Variants in AGAP1 observed in about 807,000 individuals in gnomAD.
AGAP1 encodes the protein ArfGAP with GTPase domain, ankyrin repeat and PH domain 1.
Under a neutral mutation model 105.3 loss-of-function variants are expected in AGAP1, and 29 were observed. The observed-to-expected ratio is 0.28, with a 90% CI of 0.21 to 0.38. The LOEUF (loss-of-function observed/expected upper bound fraction) is 0.38. Among genes scored for constraint, AGAP1 ranks in the 10% least tolerant of loss-of-function variants. The pLI is 1.00. For synonymous variants in AGAP1, 509 were observed against 485.9 expected (o/e 1.05, Z -0.63); for missense variants, 998 against 1,165.1 (o/e 0.86, Z 2.09).
intron 9 of AGAP1, among the ~76,000 whole-genome samples, chr2:235,870,269 A>G (rs2049373454): frequency 2.6e-5 from 4 of 152,188 alleles, no homozygotes; most frequent in Admixed American, 2.0e-4. Flanking sequence ...TCGGAAGACC[A>G]CGATACGCAG....
chr2:235,573,054 C>CTTCT (rs1553568872), intron 1 of AGAP1, among the ~76,000 whole-genome samples: 290 of 22,012 alleles, frequency 0.013, 10 homozygotes, highest in Middle Eastern at 0.056. Context: ...TCTTCTTCTT[C>CTTCT]TTCTTCTTTC....
At position 235,981,661 on chromosome 2, in the gene AGAP1, G is replaced by A. The variant is rs2055101945; in HGVS notation, c.1645+13038G>A. On this transcript the variant is annotated intron_variant, in intron 13 of 17. Transcript: ENST00000304032. The surrounding 1 kb of genome is among the most constrained non-coding windows in gnomAD (Gnocchi z 5.5). ...CATGTGTCAGGCACTGGGCTTAAGT[G>A]CTTTACACGCAGCGTCTCATAACCC... is the stretch of plus-strand genomic sequence containing the variant. Among the ~76,000 whole-genome samples, 1 of 152,176 alleles carries A rather than the reference G, an allele frequency of 6.6e-6. No individual in the cohort carries two copies. The highest frequency in any genetic ancestry group is 2.4e-5 in the African/African-American group (1 of 41,448).
At chr2:235,565,902 A>G (rs1168305264) in intron 1 of AGAP1, among the ~76,000 whole-genome samples, 2 of 152,052 alleles carry the variant, frequency 1.3e-5, no homozygotes, top group Non-Finnish European at 2.9e-5. Flanking sequence ...TCAATCTCCC[A>G]AGATATTAAG....
chr2:235,525,898 C>T (rs5021819), intron 1 of AGAP1, among the ~76,000 whole-genome samples: 1 of 93,944 alleles, frequency 1.1e-5, no homozygotes, highest in Non-Finnish European at 2.2e-5. Flanking sequence ...AGGACTGATA[C>T]ATAATGTGGA....
In AGAP1 at chr2:235,930,542, C is replaced by G. The variant is rs1466689270; in HGVS notation, c.1325-223C>G. Among the ~76,000 whole-genome samples the G allele has an allele frequency of 6.6e-6, 1 of 152,110 alleles. No homozygotes were observed. Among genetic ancestry groups the G allele is most frequent in the African/African-American group, 2.4e-5 (1 of 41,424 alleles). The stretch of plus-strand genomic sequence containing the variant: ...GTGCGAGCCATCTGTGGCATCGGGT[C>G]CCTTCACATTGCTTTGTCAGGCACC... On this transcript the variant is annotated intron_variant, in intron 11 of 17. Coordinates refer to ENST00000304032, the MANE Select transcript of AGAP1 (RefSeq NM_001037131.3). The surrounding 1 kb of genome is among the most constrained non-coding windows in gnomAD (Gnocchi z 7.9).
chr2:235,604,732 G>A (rs1392613529), intron 1 of AGAP1, among the ~76,000 whole-genome samples: 5 of 150,760 alleles, frequency 3.3e-5, no homozygotes, highest in South Asian at 2.1e-4. Context: ...ACAGGCGCCC[G>A]CTACCACGCC....
chr2:236,112,741 TCA>T (rs1201895618), intron 16 of AGAP1, among the ~76,000 whole-genome samples: 2 of 152,224 alleles, frequency 1.3e-5, no homozygotes, highest in Non-Finnish European at 2.9e-5. Context: ...TCCCGCTCTC[TCA>T]GTCTGGTCCC....
At chr2:235,783,721 AG>A (rs1296712978) in intron 6 of AGAP1, among the ~76,000 whole-genome samples, 1 of 151,890 alleles carries the variant, frequency 6.6e-6, no homozygotes, top group Non-Finnish European at 1.5e-5. Context: ...GGAAGTGAGA[AG>A]GAGGGATTGG....
rs938508477 is a variant in AGAP1 at position 236,012,728 on chromosome 2, G to A, written c.1646-23833G>A. ...ATGTAGACCCGTATCCTTTAACACC[G>A]CAGATGCCTGCTAGTTTAGAGGTTG... On this transcript the variant is annotated intron_variant, in intron 13 of 17. Transcript: ENST00000304032. The surrounding 1 kb of genome is among the most constrained non-coding windows in gnomAD (Gnocchi z 4.9). 5.3e-5 allele frequency among the ~76,000 whole-genome samples: 8 copies of A among 151,830 alleles called. No homozygotes were observed. Among genetic ancestry groups the A allele is most frequent in the African/African-American group, 9.7e-5 (4 of 41,254 alleles).
rs1317965485 is a variant in AGAP1 at position 235,578,759 on chromosome 2, T to C, written c.163+83910T>C. 6.7e-6 allele frequency among the ~76,000 whole-genome samples: 1 copy of C among 148,192 alleles called. No homozygotes were observed. The highest frequency in any genetic ancestry group is 1.5e-5 in the Non-Finnish European group (1 of 67,572). On this transcript the variant is annotated intron_variant, in intron 1 of 17. Coordinates refer to ENST00000304032, the MANE Select transcript of AGAP1 (RefSeq NM_001037131.3). The surrounding 1 kb of genome is among the most constrained non-coding windows in gnomAD (Gnocchi z 4.9). ...GACATTGTGCCACTGCACTCCAGCC[T>C]GGGCAATACAGCGAGACTCAGTCTC...
chr2:235,898,025 G>T (rs758213301), intron 10 of AGAP1, among the ~76,000 whole-genome samples: 1 of 152,124 alleles, frequency 6.6e-6, no homozygotes, highest in Non-Finnish European at 1.5e-5. Flanking sequence ...CAGCCCCCTC[G>T]ATGGCTGGGA....
intron 9 of AGAP1, chr2:235,853,287 A>T: frequency 1.1e-6 from 1 of 923,286 alleles, no homozygotes; most frequent in African/African-American, 1.8e-5. Flanking sequence ...TCAAGATTTG[A>T]AATATCTGAC....
At chr2:235,761,482 T>C (rs1954433002) in intron 6 of AGAP1, among the ~76,000 whole-genome samples, 1 of 152,240 alleles carries the variant, frequency 6.6e-6, no homozygotes, top group South Asian at 2.1e-4. Flanking sequence ...TTAATACTTC[T>C]CTGCACTGCG....
rs559488445 is a variant in AGAP1, at chr2:235,545,515, CT to C, written c.163+50667del. Among the ~76,000 whole-genome samples, 753 of 152,294 alleles carry C rather than the reference CT, an allele frequency of 4.9e-3. 9 individuals are homozygous for C. The highest frequency in any genetic ancestry group is 0.017 in the Middle Eastern group (5 of 294). ...GGGAAGTAGTAGCAGCTGGGGTTTT[CT>C]GCTTTAGCACATTGTTAGTTTTACT... On this transcript the variant is annotated intron_variant, in intron 1 of 17. Coordinates refer to ENST00000304032, the MANE Select transcript of AGAP1 (RefSeq NM_001037131.3).
intron 10 of AGAP1, among the ~76,000 whole-genome samples, chr2:235,892,085 C>T (rs1195353203): frequency 6.6e-6 from 1 of 151,660 alleles, no homozygotes; most frequent in Non-Finnish European, 1.5e-5. Context: ...ACCCAGGAGA[C>T]GGAGGTTGCA....
At position 235,740,910 on chromosome 2, in the gene AGAP1, CCTCCTCACT is replaced by C; in HGVS notation, c.311-49_311-41del. 1 of 1,610,048 alleles carries C rather than the reference CCTCCTCACT, an allele frequency of 6.2e-7. No individual in the cohort carries two copies. Among genetic ancestry groups the C allele is most frequent in the South Asian group, 1.1e-5 (1 of 90,750 alleles). On this transcript the variant is annotated intron_variant, in intron 3 of 17. Transcript: ENST00000304032. The surrounding 1 kb of genome is among the most constrained non-coding windows in gnomAD (Gnocchi z 5.7). ...ACAAGCGAAGCCCACGTCTGTCTGCCCTCCTCACTCTCTGTTGTTCTCGTGTAACGAGAT... is the reference window on the plus strand; with the variant it reads ...ACAAGCGAAGCCCACGTCTGTCTGCCCTCTGTTGTTCTCGTGTAACGAGAT...
At chr2:235,935,327 G>A (rs978873399) in intron 12 of AGAP1, among the ~76,000 whole-genome samples, 19 of 152,118 alleles carry the variant, frequency 1.2e-4, no homozygotes, top group Admixed American at 2.6e-4. Flanking sequence ...GCTGCTGAGC[G>A]TAATTTTTTA....
chr2:235,506,076 A>G (rs1941794622), intron 1 of AGAP1, among the ~76,000 whole-genome samples: 1 of 151,878 alleles, frequency 6.6e-6, no homozygotes, highest in African/African-American at 2.4e-5. Flanking sequence ...GACTACAGGC[A>G]TGCACCACCA....
intron 1 of AGAP1, among the ~76,000 whole-genome samples, chr2:235,588,356 G>T (rs750928239): frequency 3.9e-5 from 6 of 152,012 alleles, no homozygotes; most frequent in Non-Finnish European, 8.8e-5. Flanking sequence ...GGAAGGCTAG[G>T]GTTTCTTCTC....
Sources: gnomAD v4.1 joint callset for allele counts (sites outside exome capture counted in the v4.1 genomes callset) on GRCh38, gnomAD v4.1.1 for gene constraint, Gnocchi (gnomAD v3.1) non-coding constraint, MANE v1.5 for transcripts, NCBI Gene and HGNC (gene_info 2026-07-23, HGNC 2026-07-21) for gene names.